CELF2: variants seen among roughly 807,000 people sequenced by gnomAD.
CELF2 encodes CUG triplet repeat RNA-binding protein 2.
In CELF2, 8 loss-of-function variants were observed where a neutral mutation model predicts 62.6. The ratio of observed to expected loss-of-function variants is 0.13; its 90% CI spans 0.07 to 0.23. The LOEUF is 0.23. Among genes scored for constraint, CELF2 ranks in the 10% least tolerant of loss-of-function variants. CELF2 has a pLI of 1.00. For missense variants in CELF2, 333 were observed against 671.0 expected (o/e 0.50, Z 5.56); for synonymous variants, 258 against 250.0 (o/e 1.03, Z -0.30).
At chr10:11,112,080 T>C (rs1211122714) in intron 1 of CELF2, among the ~76,000 whole-genome samples, 4 of 152,236 alleles carry the variant, frequency 2.6e-5, no homozygotes, top group African/African-American at 9.6e-5. Context: ...CTCTTAGATA[T>C]TTGTACCTTT....
intron 3 of CELF2, among the ~76,000 whole-genome samples, chr10:11,236,891 T>C (rs751049312): frequency 6.6e-6 from 1 of 152,138 alleles, no homozygotes; most frequent in Non-Finnish European, 1.5e-5. Context: ...CTGATTCCAC[T>C]AGAAGAGAGA....
chr10:11,076,131 A>G (rs2071842697), intron 1 of CELF2, among the ~76,000 whole-genome samples: 1 of 151,974 alleles, frequency 6.6e-6, no homozygotes, highest in Non-Finnish European at 1.5e-5. Context: ...AGAAGTTAAA[A>G]TAGCAGATGG....
At chr10:11,146,666 A>T (rs1201673679) in intron 1 of CELF2, among the ~76,000 whole-genome samples, 1 of 152,212 alleles carries the variant, frequency 6.6e-6, no homozygotes, top group Non-Finnish European at 1.5e-5. Flanking sequence ...ATTTGTTACT[A>T]TATACCATTG....
At chr10:10,610,851 T>G in the CELF2 span, among the ~76,000 whole-genome samples, 541 of 152,290 alleles carry the variant, frequency 3.6e-3, 2 homozygotes, top group African/African-American at 0.012. Context: ...ATGACAGAAT[T>G]CTGAGTGGAG....
At chr10:10,469,862 A>G in the CELF2 span, among the ~76,000 whole-genome samples, 41 of 151,882 alleles carry the variant, frequency 2.7e-4, no homozygotes, top group African/African-American at 9.6e-4. Flanking sequence ...TTTTCCTTAT[A>G]CTAGTTTTGG....
At position 11,207,065 on chromosome 10, in the gene CELF2, C is replaced by A. The variant is rs1270624909; in HGVS notation, c.272-10360C>A. Reference sequence around the variant, plus strand: ...ACATAAGTGTCTTATTTCAAAGAACCAGAGAAGGGGAAAAGCACATTCCAG... The same window carrying A: ...ACATAAGTGTCTTATTTCAAAGAACAAGAGAAGGGGAAAAGCACATTCCAG... On this transcript the variant is annotated intron_variant, in intron 2 of 12. Coordinates refer to ENST00000633077, the MANE Select transcript of CELF2 (RefSeq NM_001326342.2). The surrounding 1 kb of genome is among the most constrained non-coding windows in gnomAD (Gnocchi z 4.1). 6.6e-6 allele frequency among the ~76,000 whole-genome samples: 1 copy of A among 152,182 alleles called. No homozygotes were observed. Among genetic ancestry groups the A allele is most frequent in the African/African-American group, 2.4e-5 (1 of 41,440 alleles).
At chr10:10,560,431 G>A in the CELF2 span, among the ~76,000 whole-genome samples, 190 of 152,228 alleles carry the variant, frequency 1.2e-3, 1 homozygote, top group Non-Finnish European at 1.5e-3. Flanking sequence ...AGTCCAGAAT[G>A]TGACTTTAGT....
rs2056315050 is a variant in CELF2 at position 11,010,715 on chromosome 10, T to C, written c.53+5275T>C. On this transcript the variant is annotated intron_variant, in intron 1 of 12. Coordinates refer to the CELF2 transcript ENST00000416382. This position sits in a 1 kb window ranked among gnomAD's most constrained non-coding sequence, Gnocchi z 4.1. ...AGTATAACTATTTAATAGTTGACATTTTAAAGACATTTCTTTCTCTGGTGC... is the reference window on the plus strand; with the variant it reads ...AGTATAACTATTTAATAGTTGACATCTTAAAGACATTTCTTTCTCTGGTGC... 6.6e-6 allele frequency among the ~76,000 whole-genome samples: 1 copy of C among 152,216 alleles called. No homozygotes were observed. Among genetic ancestry groups the C allele is most frequent in the Admixed American group, 6.5e-5 (1 of 15,290 alleles).
intron 2 of CELF2, among the ~76,000 whole-genome samples, chr10:10,980,451 G>A (rs779102095): frequency 2.6e-5 from 4 of 152,154 alleles, no homozygotes; most frequent in Admixed American, 6.5e-5. Flanking sequence ...AAAAGTCCAC[G>A]TTCTCGTGGC....
Position 11,270,535 on chromosome 10 carries a change from C to A in CELF2, c.619-131C>A. 1.4e-6 allele frequency: 1 copy of A among 715,198 alleles called. No individual in the cohort carries two copies. Among genetic ancestry groups the A allele is most frequent in the Non-Finnish European group, 2.1e-6 (1 of 479,674 alleles). 44.3% of individuals were successfully genotyped at this position (715,198 alleles called of 1,614,324 possible). A position where few individuals can be genotyped will look rare whatever the true frequency, so the allele number is the denominator to read the frequency against. On this transcript the variant is annotated intron_variant, in intron 6 of 12. Transcript: ENST00000633077. The surrounding 1 kb of genome is among the most constrained non-coding windows in gnomAD (Gnocchi z 5.8). ...ATTCAGAGAAGAAGGAATATCAAAC[C>A]GTTTTAAACCATTTCAGCCCATTCC... is the stretch of plus-strand genomic sequence containing the variant.
At chr10:10,506,091 T>A in the CELF2 span, among the ~76,000 whole-genome samples, 3 of 147,922 alleles carry the variant, frequency 2.0e-5, no homozygotes, top group East Asian at 2.0e-4. Context: ...TTTTTTTTTT[T>A]AAAGTTTTAC....
At chr10:11,197,873 T>C (rs928257613) in intron 2 of CELF2, among the ~76,000 whole-genome samples, 1 of 152,268 alleles carries the variant, frequency 6.6e-6, no homozygotes, top group Non-Finnish European at 1.5e-5. Context: ...ATGAAGGCTA[T>C]TTCTTGATAT....
chr10:11,174,830 A>G lies in CELF2; in HGVS notation c.271+9148A>G, dbSNP rs902928109. Among the ~76,000 whole-genome samples, 5 of 152,312 alleles carry G rather than the reference A, an allele frequency of 3.3e-5. No homozygotes were observed. In the East Asian group the frequency reaches 9.6e-4, roughly 29 times the overall value. On this transcript the variant is annotated intron_variant, in intron 2 of 12. Transcript: ENST00000633077. The stretch of plus-strand genomic sequence containing the variant: ...GCTTTTGGGGAAAAAATCCTTCCCA[A>G]ACTACTATAGTTTAATGGGAACTGC...
the CELF2 span, among the ~76,000 whole-genome samples, chr10:10,518,379 A>G: frequency 6.6e-6 from 1 of 152,170 alleles, no homozygotes; most frequent in Non-Finnish European, 1.5e-5. Context: ...AATGGTGATA[A>G]AGGAAATAGA....
In CELF2 at chr10:11,130,176, T is replaced by G. The variant is rs553473754; in HGVS notation, c.75-35310T>G. ...AGGTTGTTCAATTTCCATGTAGTTG[T>G]GTGGTTTTGAGTGAGTTTCTTAATC... On this transcript the variant is annotated intron_variant, in intron 1 of 12. Transcript: ENST00000633077. Among the ~76,000 whole-genome samples the G allele has an allele frequency of 7.9e-5, 12 of 152,348 alleles. No homozygotes were observed. The South Asian group carries it at 1.0e-3, about 13-fold the overall frequency.
At chr10:11,284,572 GATGATGGATGGATGGTGGGTGA>G (rs1297522492) in intron 8 of CELF2, among the ~76,000 whole-genome samples, 34 of 151,492 alleles carry the variant, frequency 2.2e-4, no homozygotes, top group Non-Finnish European at 4.1e-4. Flanking sequence ...GGGGTGGGTG[GATGATGGATGGATGGTGGGTGA>G]ATGATGGATA....
intron 2 of CELF2, among the ~76,000 whole-genome samples, chr10:11,167,103 G>A (rs10466306): frequency 0.015 from 2,258 of 152,306 alleles, 56 homozygotes; most frequent in African/African-American, 0.052. Flanking sequence ...TCAGATAACT[G>A]AGAATCTGTA....
chr10:11,247,291 C>T lies in CELF2; in HGVS notation c.355-1862C>T, dbSNP rs991396947. On this transcript the variant is annotated intron_variant, in intron 3 of 12. Transcript: ENST00000633077. The surrounding 1 kb of genome is among the most constrained non-coding windows in gnomAD (Gnocchi z 5.4). ...GTTGCCCACCTTCACCGCCCCTTCC[C>T]GTGGTCCTCCATGCTCACACTGGGA... Among the ~76,000 whole-genome samples, 5 of 152,340 alleles carry T rather than the reference C, an allele frequency of 3.3e-5. No individual in the cohort carries two copies. Among genetic ancestry groups the T allele is most frequent in the African/African-American group, 4.8e-5 (2 of 41,568 alleles).
chr10:11,051,522 G>T (rs772690144), intron 1 of CELF2, among the ~76,000 whole-genome samples: 1 of 152,124 alleles, frequency 6.6e-6, no homozygotes, highest in African/African-American at 2.4e-5. Context: ...ATGCCTGCCC[G>T]ATCAAGTATT....
Sources: allele counts gnomAD v4.1 joint callset (sites outside exome capture counted in the v4.1 genomes callset), GRCh38; gene constraint gnomAD v4.1.1; non-coding constraint Gnocchi (gnomAD v3.1); transcripts MANE v1.5; gene names NCBI Gene and HGNC (gene_info 2026-07-23, HGNC 2026-07-21).